Variants in GLIPR2 observed in about 807,000 individuals in gnomAD.
GLIPR2 encodes GLI pathogenesis related 2.
GLIPR2 carries 21 observed loss-of-function variants against 20.4 expected under a neutral mutation model. The observed-to-expected ratio is 1.03, with a 90% CI of 0.73 to 1.48. The LOEUF (loss-of-function observed/expected upper bound fraction) is 1.48, where lower values mean the gene tolerates loss of function less well. GLIPR2 is among the 40% of genes most tolerant of loss of function. The pLI, the probability that GLIPR2 is intolerant of heterozygous loss-of-function variation, is 0.00. For synonymous variants in GLIPR2, 91 were observed against 80.5 expected (o/e 1.13, Z -0.70); for missense variants, 205 against 200.1 (o/e 1.02, Z -0.15).
At chr9:36,144,197 CA>C (rs1825220376) in intron 1 of GLIPR2, 2 of 152,200 alleles carry the variant, frequency 1.3e-5, no homozygotes, top group Non-Finnish European at 2.9e-5. Flanking sequence ...TGGCCCCTGG[CA>C]TTTCCCTGTG....
intron 3 of GLIPR2, 94 bp from the exon 4 acceptor site, chr9:36,150,778 C>T (rs1825546886): frequency 2.4e-6 from 2 of 838,474 alleles, no homozygotes; most frequent in Admixed American, 2.1e-5. Flanking sequence ...CTAATTGCCG[C>T]ATTGGTGGCT....
intron 1 of GLIPR2, among the ~76,000 whole-genome samples, chr9:36,137,879 A>G (rs1824898608): frequency 6.6e-6 from 1 of 152,256 alleles, no homozygotes; most frequent in African/African-American, 2.4e-5. Context: ...GCTGGGCGCA[A>G]GTGGCTTTCC....
At chr9:36,160,879 T>C (rs913935871) in intron 4 of GLIPR2, among the ~76,000 whole-genome samples, 7 of 151,664 alleles carry the variant, frequency 4.6e-5, no homozygotes, top group Admixed American at 4.6e-4. Context: ...TTGTCTCTAC[T>C]AAAAATACAA....
chr9:36,148,941 G>A (rs1337176877), intron 3 of GLIPR2, among the ~76,000 whole-genome samples: 1 of 152,144 alleles, frequency 6.6e-6, no homozygotes, highest in Non-Finnish European at 1.5e-5. Context: ...GGGGGTTGGG[G>A]AGACAGACCG....
Position 36,151,100 on chromosome 9 carries a change from G to C in GLIPR2, c.304+151G>C, listed in dbSNP as rs149022206. On this transcript the variant is annotated intron_variant, in intron 4 of 4. Coordinates refer to ENST00000377960, the MANE Select transcript of GLIPR2 (RefSeq NM_022343.4). Reference sequence around the variant, plus strand: ...TTTCTCTGGCTTGACCTTGACCACAGACCAAAGCTCTCCTTTCCGCATTAC... The same window carrying C: ...TTTCTCTGGCTTGACCTTGACCACACACCAAAGCTCTCCTTTCCGCATTAC... The C allele has an allele frequency of 6.1e-3, 3,904 of 641,316 alleles. 24 individuals carry two copies. Among genetic ancestry groups the C allele is most frequent in the Non-Finnish European group, 9.8e-3 (3,473 of 352,724 alleles). 39.7% of individuals were successfully genotyped at this position (641,316 alleles called of 1,614,324 possible).
chr9:36,161,434 AGT>A (rs1302294290), intron 4 of GLIPR2, among the ~76,000 whole-genome samples: 3 of 152,088 alleles, frequency 2.0e-5, no homozygotes, highest in East Asian at 3.9e-4. Context: ...AACACAGAGC[AGT>A]GATTTGAGCT....
chr9:36,136,558 G>A, upstream of GLIPR2: 1 of 353,950 alleles, frequency 2.8e-6, no homozygotes, highest in Middle Eastern at 7.5e-4. This position sits in a 1 kb window ranked among gnomAD's most constrained non-coding sequence, Gnocchi z 4.3. Context: ...GGGAGCCCTC[G>A]GCAGTCGCGG....
chr9:36,152,615 TG>T (rs1825635403), intron 4 of GLIPR2, among the ~76,000 whole-genome samples: 1 of 151,266 alleles, frequency 6.6e-6, no homozygotes, highest in African/African-American at 2.4e-5. Flanking sequence ...CTGGGCATGA[TG>T]GTGCATGCCT....
At chr9:36,146,137 C>G (rs769030143) in intron 1 of GLIPR2, 1 of 152,594 alleles carries the variant, frequency 6.6e-6, no homozygotes, top group Non-Finnish European at 1.5e-5. Context: ...GTTCTGGAGG[C>G]TGGGAAGTCC....
At position 36,158,084 on chromosome 9, in the gene GLIPR2, A is replaced by G. The variant is rs1444711492; in HGVS notation, c.305-4278A>G. ...CACCTCAACCTCCCAAAGTGCTGGGATTACAGGCGTGAGCCACTGCGCCCG... is the reference window on the plus strand; with the variant it reads ...CACCTCAACCTCCCAAAGTGCTGGGGTTACAGGCGTGAGCCACTGCGCCCG... On this transcript the variant is annotated intron_variant, in intron 4 of 4. Transcript: ENST00000377960. Among the ~76,000 whole-genome samples the G allele has an allele frequency of 2.0e-5, 3 of 152,228 alleles. No homozygotes were observed. In the East Asian group the frequency reaches 5.8e-4, roughly 29 times the overall value.
At chr9:36,140,999 G>A (rs935411659) in intron 1 of GLIPR2, among the ~76,000 whole-genome samples, 1 of 152,206 alleles carries the variant, frequency 6.6e-6, no homozygotes, top group African/African-American at 2.4e-5. Flanking sequence ...GGGCAGGAGG[G>A]GACCTGACCC....
intron 4 of GLIPR2, among the ~76,000 whole-genome samples, chr9:36,153,665 C>T (rs1825700759): frequency 6.6e-6 from 1 of 152,100 alleles, no homozygotes; most frequent in East Asian, 1.9e-4. Flanking sequence ...CTTTGTGAAG[C>T]CGAGGCAGGC....
intron 1 of GLIPR2, among the ~76,000 whole-genome samples, chr9:36,147,286 CTT>C (rs1825369353): frequency 6.6e-6 from 1 of 152,192 alleles, no homozygotes; most frequent in Non-Finnish European, 1.5e-5. Context: ...CAGGAGGCCT[CTT>C]TCTGGACTCC....
chr9:36,158,113 G>A lies in GLIPR2; in HGVS notation c.305-4249G>A, dbSNP rs1019933165. ...CAGGCGTGAGCCACTGCGCCCGACCGGGCTATGTGACTTTGGGCCAATCTT... is the reference window on the plus strand; with the variant it reads ...CAGGCGTGAGCCACTGCGCCCGACCAGGCTATGTGACTTTGGGCCAATCTT... On this transcript the variant is annotated intron_variant, in intron 4 of 4. Coordinates refer to ENST00000377960, the MANE Select transcript of GLIPR2 (RefSeq NM_022343.4). 2.2e-4 allele frequency among the ~76,000 whole-genome samples: 34 copies of A among 152,164 alleles called. 1 individual carries two copies. Among genetic ancestry groups the A allele is most frequent in the African/African-American group, 6.7e-4 (28 of 41,554 alleles).
chr9:36,137,899 G>T (rs1386607873), intron 1 of GLIPR2, among the ~76,000 whole-genome samples: 2 of 152,220 alleles, frequency 1.3e-5, no homozygotes, highest in African/African-American at 4.8e-5. Context: ...CCTGGCCTTG[G>T]TCCTAACCAG....
In GLIPR2 at chr9:36,136,811, C is replaced by T; in HGVS notation, c.13+20C>T. Reference sequence around the variant, plus strand: ...AGTCAGGTGAGCCCGCGGGCTCGCCCGCTGCGGAATGGTTCGGAACCCCGC... The same window carrying T: ...AGTCAGGTGAGCCCGCGGGCTCGCCTGCTGCGGAATGGTTCGGAACCCCGC... On this transcript the variant is annotated intron_variant, in intron 1 of 4. Transcript: ENST00000377960. The surrounding 1 kb of genome is among the most constrained non-coding windows in gnomAD (Gnocchi z 4.3). 2 of 1,298,038 alleles carry T rather than the reference C, an allele frequency of 1.5e-6. No homozygotes were observed. Among genetic ancestry groups the T allele is most frequent in the Non-Finnish European group, 1.9e-6 (2 of 1,026,180 alleles). The allele number at this position is 1,298,038 out of a possible 1,614,324, so 80.4% of individuals were successfully genotyped here. A position where few individuals can be genotyped will look rare whatever the true frequency, so the allele number is the denominator to read the frequency against.
chr9:36,149,892 G>T (rs1475112339), intron 3 of GLIPR2, among the ~76,000 whole-genome samples: 3 of 152,212 alleles, frequency 2.0e-5, no homozygotes, highest in Non-Finnish European at 4.4e-5. Flanking sequence ...GCCAGGCGTG[G>T]TGGCACATGC....
chr9:36,138,729 T>C (rs1401954064), intron 1 of GLIPR2, among the ~76,000 whole-genome samples: 1 of 152,142 alleles, frequency 6.6e-6, no homozygotes, highest in African/African-American at 2.4e-5. Context: ...ATGTAGGGGA[T>C]AGACAGGCAC....
At chr9:36,141,519 A>G (rs1825078752) in intron 1 of GLIPR2, among the ~76,000 whole-genome samples, 1 of 152,154 alleles carries the variant, frequency 6.6e-6, no homozygotes, top group African/African-American at 2.4e-5. Flanking sequence ...CTCTTTCATG[A>G]GGAGCCTGGA....
Sources: gnomAD v4.1 joint callset for allele counts (sites outside exome capture counted in the v4.1 genomes callset) on GRCh38, gnomAD v4.1.1 for gene constraint, Gnocchi (gnomAD v3.1) non-coding constraint, MANE v1.5 for transcripts, NCBI Gene and HGNC (gene_info 2026-07-23, HGNC 2026-07-21) for gene names.